PDE4A: variants seen among roughly 807,000 people sequenced by gnomAD.
PDE4A encodes phosphodiesterase 4A.
PDE4A carries 21 observed loss-of-function variants against 73.9 expected under a neutral mutation model. That is an observed-to-expected ratio of 0.28 (90% CI 0.20 to 0.41). The LOEUF (loss-of-function observed/expected upper bound fraction) is 0.41. Among genes scored for constraint, PDE4A ranks in the 10% least tolerant of loss-of-function variants. The pLI is 1.00. For missense variants in PDE4A, 958 were observed against 1,211.4 expected (o/e 0.79, Z 3.10); for synonymous variants, 463 against 505.4 (o/e 0.92, Z 1.13).
At chr19:10,435,371 G>A (rs1435780241) in intron 1 of PDE4A, among the ~76,000 whole-genome samples, 1 of 151,134 alleles carries the variant, frequency 6.6e-6, no homozygotes, top group African/African-American at 2.5e-5. Flanking sequence ...AGACCAGCCT[G>A]GGCAACATGG....
At position 10,421,049 on chromosome 19, in the gene PDE4A, C is replaced by T. The variant is rs754365086; in HGVS notation, c.285C>T (p.Thr95=). 2.7e-5 allele frequency: 37 copies of T among 1,388,770 alleles called. No individual in the cohort carries two copies. The highest frequency in any genetic ancestry group is 3.3e-5 in the Non-Finnish European group (36 of 1,081,232). 86.0% of individuals were successfully genotyped at this position (1,388,770 alleles called of 1,614,324 possible). A position where few individuals can be genotyped will look rare whatever the true frequency, so the allele number is the denominator to read the frequency against. The change falls in exon 1 of 15, where the codon ACC becomes ACT. Residue 95 remains threonine, a synonymous_variant. Transcript: ENST00000380702. ...SWPSSFHGTG[T]GSGGAGGGSS... ...CCTCGTCCTTCCATGGCACTGGCAC[C>T]GGCAGCGGCGGCGCGGGCGGAGGCA...
At position 10,445,698 on chromosome 19, in the gene PDE4A, G is replaced by A. The variant is rs144128403; in HGVS notation, c.321-520G>A. ...CAGAAAAATCACTTGAATCCGGGAG[G>A]TGGAGGTTGCAGTGAGCCAAGATCA... On this transcript the variant is annotated intron_variant, in intron 1 of 14. Coordinates refer to ENST00000380702, the MANE Select transcript of PDE4A (RefSeq NM_001111307.2). Among the ~76,000 whole-genome samples the A allele has an allele frequency of 4.4e-3, 661 of 150,974 alleles. 3 individuals carry two copies. The highest frequency in any genetic ancestry group is 0.01 in the Middle Eastern group (3 of 294).
At chr19:10,451,378 A>T (rs911613496) in intron 6 of PDE4A, among the ~76,000 whole-genome samples, 1 of 151,462 alleles carries the variant, frequency 6.6e-6, no homozygotes, top group African/African-American at 2.4e-5. Context: ...CTGGTTGTAC[A>T]TGTGTCAATA....
At chr19:10,449,550 G>A (rs989843076) in intron 4 of PDE4A, among the ~76,000 whole-genome samples, 2 of 151,846 alleles carry the variant, frequency 1.3e-5, no homozygotes, top group African/African-American at 2.4e-5. Context: ...AGTAGAGATG[G>A]GGTTTCACCA....
intron 8 of PDE4A, 120 bp from the exon 9 acceptor site, chr19:10,459,280 T>C: frequency 1.3e-6 from 2 of 1,530,600 alleles, no homozygotes; most frequent in Non-Finnish European, 1.8e-6. Context: ...GTTGAACCTG[T>C]CACCCACTGG....
chr19:10,432,495 A>C, intron 1 of PDE4A: 1 of 1,514,056 alleles, frequency 6.6e-7, no homozygotes, highest in Non-Finnish European at 8.8e-7. Flanking sequence ...ACTGCCCCCC[A>C]CGGGCCCCGA....
intron 1 of PDE4A, chr19:10,428,854 T>C (rs554237192): frequency 1.8e-5 from 18 of 985,278 alleles, no homozygotes; most frequent in Non-Finnish European, 1.9e-5. Flanking sequence ...GATTCACTGT[T>C]GGGCGCAGTG....
In PDE4A at chr19:10,421,050, G is replaced by C. The variant is rs759718061; in HGVS notation, c.286G>C (p.Gly96Arg). The C allele has an allele frequency of 1.4e-6, 2 of 1,389,064 alleles. No homozygotes were observed. The highest frequency in any genetic ancestry group is 1.8e-6 in the Non-Finnish European group (2 of 1,081,482). 86.0% of individuals were successfully genotyped at this position (1,389,064 alleles called of 1,614,324 possible). A position where few individuals can be genotyped will look rare whatever the true frequency, so the allele number is the denominator to read the frequency against. Residue 96 changes from glycine to arginine, a missense_variant, in exon 1 of 15, where the codon GGC (glycine) becomes CGC (arginine). Gly to Arg is a moderately radical substitution (Grantham distance 125). Around this residue, in one of 3 missense-constraint regions of PDE4A, gnomAD observed 570 missense variants for 827.7 expected, o/e 0.69. Coordinates refer to ENST00000380702, the MANE Select transcript of PDE4A (RefSeq NM_001111307.2). ...CTCGTCCTTCCATGGCACTGGCACC[G>C]GCAGCGGCGGCGCGGGCGGAGGCAG... ...WPSSFHGTGT[G>R]SGGAGGGSSR...
intron 1 of PDE4A, among the ~76,000 whole-genome samples, chr19:10,443,511 C>T (rs149728768): frequency 1.3e-4 from 19 of 146,088 alleles, no homozygotes; most frequent in African/African-American, 4.6e-4. Flanking sequence ...TGCCATTGCA[C>T]TTCAGTCTGG....
chr19:10,439,791 G>A (rs1472970651), intron 1 of PDE4A, among the ~76,000 whole-genome samples: 3 of 152,014 alleles, frequency 2.0e-5, no homozygotes, highest in Non-Finnish European at 4.4e-5. Context: ...GTCTGGAGGG[G>A]AGAGCAACTG....
intron 14 of PDE4A, 197 bp from the exon 15 acceptor site, chr19:10,466,690 C>T: frequency 3.6e-6 from 1 of 279,204 alleles, no homozygotes; most frequent in Non-Finnish European, 5.4e-6. Context: ...GATGCGGTTT[C>T]ACCATGCTGG....
chr19:10,427,007 T>G lies in PDE4A; in HGVS notation c.320+5923T>G, dbSNP rs377486711. Among the ~76,000 whole-genome samples, 19 of 147,720 alleles carry G rather than the reference T, an allele frequency of 1.3e-4. No homozygotes were observed. The East Asian group carries it at 3.1e-3, about 24-fold the overall frequency. ...CATTTGAACAAAGACCCAAATAAAA[T>G]GAGGGAGGTAAGGGCCGGGCGCAGT... is the stretch of plus-strand genomic sequence containing the variant. On this transcript the variant is annotated intron_variant, in intron 1 of 14. Transcript: ENST00000380702.
chr19:10,441,309 A>T (rs1413607675), intron 1 of PDE4A, among the ~76,000 whole-genome samples: 1 of 151,738 alleles, frequency 6.6e-6, no homozygotes, highest in Non-Finnish European at 1.5e-5. Context: ...TTGTATTTTT[A>T]GTAGAGACGG....
intron 10 of PDE4A, 123 bp downstream of exon 10, chr19:10,459,882 C>CT (rs375062106): frequency 0.011 from 10,934 of 1,026,930 alleles, no homozygotes; most frequent in East Asian, 0.013. Flanking sequence ...ATTTCTCTCT[C>CT]TTTTTTTTTT....
At chr19:10,461,497 C>T (rs1226730741) in intron 11 of PDE4A, 29 bp from the exon 12 acceptor site, 1 of 1,610,546 alleles carries the variant, frequency 6.2e-7, no homozygotes, top group Non-Finnish European at 8.5e-7. Flanking sequence ...ACACGTGGGC[C>T]CTCCCCTGAC....
At chr19:10,421,742 C>T (rs1355654364) in intron 1 of PDE4A, among the ~76,000 whole-genome samples, 1 of 152,176 alleles carries the variant, frequency 6.6e-6, no homozygotes, top group Admixed American at 6.5e-5. Flanking sequence ...AGGGGGGGCG[C>T]AGTCCCAGCA....
At chr19:10,426,021 GGGAA>G (rs1251563096) in intron 1 of PDE4A, among the ~76,000 whole-genome samples, 1 of 146,540 alleles carries the variant, frequency 6.8e-6, no homozygotes, top group Non-Finnish European at 1.5e-5. Flanking sequence ...AAAGGAAGGA[GGGAA>G]GGAAGGAAAG....
intron 1 of PDE4A, chr19:10,427,983 G>A (rs1178059439): frequency 2.0e-5 from 4 of 204,996 alleles, no homozygotes; most frequent in Non-Finnish European, 2.3e-5. Flanking sequence ...GTGACAGAGT[G>A]AGACCCTGTC....
intron 2 of PDE4A, among the ~76,000 whole-genome samples, chr19:10,448,401 C>T (rs536535157): frequency 1.3e-5 from 2 of 152,076 alleles, no homozygotes; most frequent in East Asian, 3.9e-4. Context: ...CTTTGAGAGG[C>T]CAAAGTGGGT....
Sources: allele counts gnomAD v4.1 joint callset (sites outside exome capture counted in the v4.1 genomes callset), GRCh38; gene constraint gnomAD v4.1.1; regional missense constraint gnomAD v4.1.1; transcripts MANE v1.5; gene names NCBI Gene and HGNC (gene_info 2026-07-23, HGNC 2026-07-21).